Variants in GPR158 observed in about 807,000 individuals in gnomAD.
GPR158 encodes G protein-coupled receptor 158.
GPR158 carries 30 observed loss-of-function variants against 78.2 expected under a neutral mutation model. That is an observed-to-expected ratio of 0.38 (90% CI 0.29 to 0.52). The LOEUF is 0.52. Ranked by LOEUF, GPR158 falls within the 20% of genes least tolerant of loss-of-function variation. GPR158 has a pLI of 0.83. For synonymous variants in GPR158, 581 were observed against 591.1 expected, an observed-to-expected ratio of 0.98 and a Z score of 0.25; for missense variants, 1,463 against 1,523.5, an observed-to-expected ratio of 0.96 and a Z score of 0.66.
At chr10:25,581,116 G>A (rs531789577) in intron 7 of GPR158, among the ~76,000 whole-genome samples, 2 of 151,326 alleles carry the variant, frequency 1.3e-5, no homozygotes, top group South Asian at 2.1e-4. Flanking sequence ...TTTTAGTAGA[G>A]ACGGGGTTTC....
At chr10:25,437,050 A>G (rs894264286) in intron 4 of GPR158, among the ~76,000 whole-genome samples, 5 of 152,162 alleles carry the variant, frequency 3.3e-5, no homozygotes, top group African/African-American at 1.2e-4. Flanking sequence ...ACAATTAAGA[A>G]GGAGGAGGCC....
chr10:25,521,368 T>G (rs1393324784), intron 5 of GPR158, among the ~76,000 whole-genome samples: 1 of 152,208 alleles, frequency 6.6e-6, no homozygotes, highest in Non-Finnish European at 1.5e-5. Flanking sequence ...GCTGTTCCTA[T>G]TCGGCCATCT....
chr10:25,180,325 T>TC (rs1478914833), intron 1 of GPR158, among the ~76,000 whole-genome samples: 1 of 152,182 alleles, frequency 6.6e-6, no homozygotes, highest in Non-Finnish European at 1.5e-5. Flanking sequence ...AGCAACCAGT[T>TC]CAGAAAAGTT....
intron 2 of GPR158, among the ~76,000 whole-genome samples, chr10:25,221,385 G>A (rs1307412955): frequency 6.6e-6 from 1 of 152,164 alleles, no homozygotes; most frequent in Non-Finnish European, 1.5e-5. Context: ...TCTGAAGTTT[G>A]ACTTTAGTCA....
intron 7 of GPR158, among the ~76,000 whole-genome samples, chr10:25,586,164 C>T (rs1837262877): frequency 6.6e-6 from 1 of 152,068 alleles, no homozygotes; most frequent in Non-Finnish European, 1.5e-5. Flanking sequence ...AGCCACTGAG[C>T]ATTTCTGAAT....
chr10:25,308,644 C>G (rs1237105275), intron 2 of GPR158, among the ~76,000 whole-genome samples: 1 of 152,168 alleles, frequency 6.6e-6, no homozygotes, highest in African/African-American at 2.4e-5. Context: ...ACAATCACCA[C>G]TCTCCATTTC....
At chr10:25,523,488 G>T (rs1345505581) in intron 5 of GPR158, among the ~76,000 whole-genome samples, 1 of 152,140 alleles carries the variant, frequency 6.6e-6, no homozygotes, top group East Asian at 1.9e-4. Context: ...CCCGTAAAAG[G>T]TTTGCCAGGT....
intron 2 of GPR158, among the ~76,000 whole-genome samples, chr10:25,228,012 A>T (rs1333568157): frequency 6.6e-6 from 1 of 152,188 alleles, no homozygotes; most frequent in Non-Finnish European, 1.5e-5. Flanking sequence ...AAAATGTGTC[A>T]TCATTAAAAA....
chr10:25,252,238 ACTT>A (rs1350536257), intron 2 of GPR158, among the ~76,000 whole-genome samples: 1 of 150,576 alleles, frequency 6.6e-6, no homozygotes, highest in East Asian at 1.9e-4. Flanking sequence ...AAAGTTTTCA[ACTT>A]CTTTGCCTTT....
At chr10:25,530,975 G>T (rs1836415626) in intron 5 of GPR158, among the ~76,000 whole-genome samples, 1 of 152,000 alleles carries the variant, frequency 6.6e-6, no homozygotes, top group African/African-American at 2.4e-5. Flanking sequence ...CTTCCTTCAG[G>T]AGCTTATTCT....
chr10:25,576,586 T>C (rs369085765), intron 7 of GPR158, among the ~76,000 whole-genome samples: 4 of 152,174 alleles, frequency 2.6e-5, no homozygotes, highest in South Asian at 2.1e-4. Flanking sequence ...CTGAGATAGA[T>C]AGTGCAAAAG....
intron 2 of GPR158, among the ~76,000 whole-genome samples, chr10:25,249,788 C>G (rs1257764384): frequency 1.3e-5 from 2 of 151,844 alleles, no homozygotes; most frequent in African/African-American, 2.4e-5. Flanking sequence ...TTTGTTCTGT[C>G]TCTGCCCGGC....
chr10:25,242,995 G>A (rs1174725292), intron 2 of GPR158, among the ~76,000 whole-genome samples: 1 of 152,132 alleles, frequency 6.6e-6, no homozygotes, highest in Non-Finnish European at 1.5e-5. Context: ...AACATGGCAG[G>A]TCCCAGGCAT....
At chr10:25,346,512 TCCTTAGGTGCA>T (rs2130512971) in intron 2 of GPR158, among the ~76,000 whole-genome samples, 1 of 152,096 alleles carries the variant, frequency 6.6e-6, no homozygotes, top group South Asian at 2.1e-4. Flanking sequence ...ACATTGAGCA[TCCTTAGGTGCA>T]CATTAAACTT....
chr10:25,320,096 C>T (rs1345377248), intron 2 of GPR158, among the ~76,000 whole-genome samples: 1 of 152,154 alleles, frequency 6.6e-6, no homozygotes, highest in Non-Finnish European at 1.5e-5. Context: ...CATATTTCTT[C>T]ATTACAGTTA....
intron 2 of GPR158, among the ~76,000 whole-genome samples, chr10:25,386,048 A>G (rs1834217926): frequency 6.6e-6 from 1 of 152,188 alleles, no homozygotes; most frequent in Non-Finnish European, 1.5e-5. Context: ...ATCTAATGTC[A>G]TAAGGCTTTT....
In GPR158 at chr10:25,493,765, T is replaced by C. The variant is rs138397571; in HGVS notation, c.1404+27046T>C. Among the ~76,000 whole-genome samples the C allele has an allele frequency of 7.0e-3, 1,060 of 152,328 alleles. 2 individuals carry two copies. The highest frequency in any genetic ancestry group is 0.011 in the Non-Finnish European group (730 of 68,028). On this transcript the variant is annotated intron_variant, in intron 5 of 10. Coordinates refer to ENST00000376351, the MANE Select transcript of GPR158 (RefSeq NM_020752.3). ...TTAAGTGTCTATAGTAAAATATCATTTGAATCTCAAGGCTGTGAAAGTGTA... is the reference window on the plus strand; with the variant it reads ...TTAAGTGTCTATAGTAAAATATCATCTGAATCTCAAGGCTGTGAAAGTGTA...
At chr10:25,444,986 G>A (rs1247419973) in intron 4 of GPR158, among the ~76,000 whole-genome samples, 1 of 152,072 alleles carries the variant, frequency 6.6e-6, no homozygotes, top group Non-Finnish European at 1.5e-5. Flanking sequence ...TGAGGACTTA[G>A]TATTAATTAG....
Position 25,496,864 on chromosome 10 carries a change from A to G in GPR158, c.1404+30145A>G, listed in dbSNP as rs16925971. Among the ~76,000 whole-genome samples the G allele has an allele frequency of 6.1e-3, 925 of 152,298 alleles. 7 individuals carry two copies. Among genetic ancestry groups the G allele is most frequent in the African/African-American group, 0.021 (881 of 41,564 alleles). On this transcript the variant is annotated intron_variant, in intron 5 of 10. Transcript: ENST00000376351. ...TTGGGTAACATTACTAGCAGTGAGG[A>G]ACAGTTGTTTGATCAACGAGGAAGT...
Sources: allele counts gnomAD v4.1 joint callset (sites outside exome capture counted in the v4.1 genomes callset), GRCh38; gene constraint gnomAD v4.1.1; transcripts MANE v1.5; gene names NCBI Gene and HGNC (gene_info 2026-07-23, HGNC 2026-07-21).